Variants in ADCY8 observed in about 807,000 individuals in gnomAD.
The protein encoded by ADCY8 is adenylate cyclase type 8.
Under a neutral mutation model 119.7 loss-of-function variants are expected in ADCY8, and 51 were observed. That is an observed-to-expected ratio of 0.43 (90% CI 0.34 to 0.54). The LOEUF (loss-of-function observed/expected upper bound fraction) is 0.54, where lower values mean the gene tolerates loss of function less well. Ranked by LOEUF, ADCY8 falls within the 20% of genes least tolerant of loss-of-function variation. The probability of loss-of-function intolerance (pLI) is 0.03; values close to 1 mark genes in which losing one functional copy is unlikely to be tolerated. For synonymous variants in ADCY8, 665 were observed against 651.0 expected, an observed-to-expected ratio of 1.02 and a Z score of -0.33; for missense variants, 1,383 against 1,598.8, an observed-to-expected ratio of 0.87 and a Z score of 2.30.
chr8:130,991,880 T>C (rs1822589142), intron 1 of ADCY8, among the ~76,000 whole-genome samples: 1 of 151,224 alleles, frequency 6.6e-6, no homozygotes, highest in South Asian at 2.1e-4. Flanking sequence ...AATGAAAAGA[T>C]AAGAAATAAG....
intron 13 of ADCY8, 96 bp downstream of exon 13, chr8:130,821,246 G>T (rs953784577): frequency 2.0e-6 from 2 of 1,016,094 alleles, no homozygotes; most frequent in Admixed American, 2.1e-5. Context: ...GCCACAGGCA[G>T]CTAAAAGTTA....
chr8:130,979,758 A>C (rs1338140096), intron 2 of ADCY8, among the ~76,000 whole-genome samples: 1 of 152,214 alleles, frequency 6.6e-6, no homozygotes, highest in African/African-American at 2.4e-5. Context: ...GATTGAATGA[A>C]GTAATCTATG....
intron 1 of ADCY8, among the ~76,000 whole-genome samples, chr8:131,020,440 T>C (rs1002342902): frequency 6.6e-6 from 1 of 152,174 alleles, no homozygotes; most frequent in African/African-American, 2.4e-5. Context: ...TTGTTGGGGA[T>C]GCCTTCTGAG....
chr8:130,859,899 T>C (rs1021496043), intron 9 of ADCY8, among the ~76,000 whole-genome samples: 1 of 152,200 alleles, frequency 6.6e-6, no homozygotes, highest in Non-Finnish European at 1.5e-5. Flanking sequence ...GAATAATATA[T>C]ATAAAGCCTT....
chr8:130,883,737 A>G (rs1208779295), intron 8 of ADCY8, among the ~76,000 whole-genome samples: 1 of 152,128 alleles, frequency 6.6e-6, no homozygotes, highest in Non-Finnish European at 1.5e-5. Context: ...GTCAGCTTCT[A>G]TCAGCACAAA....
At chr8:130,953,371 A>G (rs1434232986) in intron 2 of ADCY8, among the ~76,000 whole-genome samples, 1 of 152,210 alleles carries the variant, frequency 6.6e-6, no homozygotes, top group African/African-American at 2.4e-5. Context: ...CATTGTCACC[A>G]TTCATTCTTT....
chr8:130,942,002 A>C (rs747660969), intron 4 of ADCY8, among the ~76,000 whole-genome samples: 1 of 152,120 alleles, frequency 6.6e-6, no homozygotes, highest in Non-Finnish European at 1.5e-5. Context: ...CAACCACCAT[A>C]ATAAAAATAT....
chr8:130,983,673 G>T (rs1342872006), intron 2 of ADCY8, among the ~76,000 whole-genome samples: 2 of 152,148 alleles, frequency 1.3e-5, no homozygotes, highest in Non-Finnish European at 2.9e-5. Flanking sequence ...TCTATGGGCA[G>T]TAGCAATCCT....
rs116220835 is a variant in ADCY8, at chr8:130,933,346, G to C, written c.1481+3727C>G. Among the ~76,000 whole-genome samples, 789 of 152,218 alleles carry C rather than the reference G, an allele frequency of 5.2e-3. 5 individuals carry two copies. The highest frequency in any genetic ancestry group is 0.018 in the African/African-American group (760 of 41,552). On this transcript the variant is annotated intron_variant, in intron 5 of 17. Transcript: ENST00000286355. ...ATTCCATCTTGTGTAAGCAGTAATT[G>C]GTTAAGATTATTAACTTTTTGATAA...
intron 14 of ADCY8, among the ~76,000 whole-genome samples, chr8:130,803,296 G>T (rs138446158): frequency 2.0e-5 from 3 of 152,232 alleles, no homozygotes; most frequent in African/African-American, 7.2e-5. Context: ...AGTCACAGAG[G>T]GGGTTTAGAG....
At chr8:130,821,982 T>TA (rs1816524484) in intron 12 of ADCY8, among the ~76,000 whole-genome samples, 1 of 152,218 alleles carries the variant, frequency 6.6e-6, no homozygotes, top group African/African-American at 2.4e-5. Flanking sequence ...CAATAGATGA[T>TA]ACTAATTATT....
chr8:130,786,606 G>A (rs1399657315), intron 15 of ADCY8, among the ~76,000 whole-genome samples: 1 of 152,176 alleles, frequency 6.6e-6, no homozygotes, highest in East Asian at 1.9e-4. Context: ...GGTTACAGCA[G>A]CAGTAGGAAA....
chr8:130,833,513 G>A (rs951195112), intron 12 of ADCY8, among the ~76,000 whole-genome samples: 17 of 152,108 alleles, frequency 1.1e-4, no homozygotes, highest in African/African-American at 4.1e-4. Flanking sequence ...CGAACACAAT[G>A]GAATACTATT....
chr8:130,807,983 CAAAAAAAAAAAAAAAAAAAA>C (rs752321769), intron 14 of ADCY8, among the ~76,000 whole-genome samples: 23 of 47,238 alleles, frequency 4.9e-4, no homozygotes, highest in East Asian at 1.9e-3. Context: ...GACTCCGTCT[CAAAAAAAAAAAAAAAAAAAA>C]AAAAAAAAAA....
chr8:130,855,107 C>T (rs1817680461), intron 9 of ADCY8, among the ~76,000 whole-genome samples: 1 of 117,210 alleles, frequency 8.5e-6, no homozygotes, highest in Non-Finnish European at 2.0e-5. Flanking sequence ...CTGTCTCTCT[C>T]TCTCTCTCTC....
intron 11 of ADCY8, among the ~76,000 whole-genome samples, chr8:130,840,705 T>A (rs1451094464): frequency 6.6e-6 from 1 of 152,152 alleles, no homozygotes; most frequent in Non-Finnish European, 1.5e-5. Flanking sequence ...AAACAGTAGG[T>A]TGAATACAGT....
rs776072809 is a variant in ADCY8 at position 130,884,690 on chromosome 8, C to T, written c.1983G>A (p.Gln661=). ...PNHLAQALHV[Q]SGPEEINKRI... ...TCTTGTTAATTTCCTCAGGCCCAGA[C>T]TGGACATGCAAAGCTTGTGCAAGAT... Residue 661 remains glutamine, a synonymous_variant, in exon 8 of 18, where the codon CAG becomes CAA. Transcript: ENST00000286355. 8.1e-6 allele frequency: 13 copies of T among 1,613,784 alleles called. No homozygotes were observed. The highest frequency in any genetic ancestry group is 1.0e-5 in the Non-Finnish European group (12 of 1,179,848).
At chr8:130,839,710 G>A (rs1254190364) in intron 11 of ADCY8, among the ~76,000 whole-genome samples, 3 of 140,264 alleles carry the variant, frequency 2.1e-5, no homozygotes. Context: ...GAACTTAGAA[G>A]GCCCACAGCT....
intron 7 of ADCY8, among the ~76,000 whole-genome samples, chr8:130,900,079 C>T (rs755924316): frequency 1.4e-4 from 22 of 152,170 alleles, no homozygotes; most frequent in Non-Finnish European, 2.4e-4. Flanking sequence ...GGATCTGAGT[C>T]AGGGTTCAGG....
Sources: allele counts gnomAD v4.1 joint callset (sites outside exome capture counted in the v4.1 genomes callset), GRCh38; gene constraint gnomAD v4.1.1; transcripts MANE v1.5; gene names NCBI Gene and HGNC (gene_info 2026-07-23, HGNC 2026-07-21).